Variants in KRT80 observed in about 807,000 individuals in gnomAD.
KRT80 encodes the protein keratin 80.
A neutral mutation model predicts 51.5 loss-of-function variants in KRT80; 36 were observed. That is an observed-to-expected ratio of 0.70 (90% CI 0.54 to 0.92). The LOEUF is 0.92. KRT80 is among the 40% of genes least tolerant of loss of function. The pLI, the probability that KRT80 is intolerant of heterozygous loss-of-function variation, is 0.00. For synonymous variants in KRT80, 235 were observed against 248.3 expected, an observed-to-expected ratio of 0.95 and a Z score of 0.50; for missense variants, 566 against 591.7, an observed-to-expected ratio of 0.96 and a Z score of 0.45.
Position 52,191,895 on chromosome 12 carries a change from C to A in KRT80, c.8G>T (p.Cys3Phe). 6.8e-7 allele frequency: 1 copy of A among 1,478,574 alleles called. No individual in the cohort carries two copies. Among genetic ancestry groups the A allele is most frequent in the Non-Finnish European group, 9.0e-7 (1 of 1,111,386 alleles). The allele number at this position is 1,478,574 out of a possible 1,614,324, so 91.6% of individuals were successfully genotyped here. Residue 3 changes from cysteine (C) to phenylalanine (F), a missense_variant, in exon 1 of 9, where the codon TGC becomes TTC. Physicochemically the swap from Cys to Phe is radical, Grantham distance 205 (BLOSUM62 -2). Transcript: ENST00000394815. Reference protein sequence around the residue: MACRSCVVGFSSL... With the variant: MAFRSCVVGFSSL... ...GCTGAAGCCAACCACGCAGGAGCGG[C>A]AGGCCATGGTGCCCCCGGCCGGAAG... is the stretch of plus-strand genomic sequence containing the variant.
intron 3 of KRT80, 110 bp from the exon 4 acceptor site, chr12:52,180,718 A>T: frequency 6.2e-7 from 1 of 1,603,294 alleles, no homozygotes; most frequent in Non-Finnish European, 8.5e-7. Flanking sequence ...TCCAGAGGAG[A>T]TCTGGCTCAG....
At chr12:52,187,358 G>A (rs1941422231) in intron 1 of KRT80, among the ~76,000 whole-genome samples, 1 of 152,226 alleles carries the variant, frequency 6.6e-6, no homozygotes, top group African/African-American at 2.4e-5. Context: ...AGGAGGCAAT[G>A]GAGGCCAGGG....
At chr12:52,188,572 C>T (rs1378269353) in intron 1 of KRT80, among the ~76,000 whole-genome samples, 2 of 152,236 alleles carry the variant, frequency 1.3e-5, no homozygotes, top group Non-Finnish European at 2.9e-5. Context: ...GCCTCAAAGA[C>T]TCACGAGCAG....
chr12:52,185,712 C>A (rs1192411587), intron 1 of KRT80, 125 bp from the exon 2 acceptor site: 2 of 1,522,856 alleles, frequency 1.3e-6, no homozygotes, highest in Non-Finnish European at 1.8e-6. Context: ...TGCACACCAC[C>A]CAGGGCGCTC....
intron 1 of KRT80, among the ~76,000 whole-genome samples, chr12:52,188,528 C>G (rs937120945): frequency 6.6e-6 from 1 of 152,242 alleles, no homozygotes; most frequent in South Asian, 2.1e-4. Flanking sequence ...GTTGAATCCC[C>G]GGCCTTCAGC....
At chr12:52,174,448 C>T (rs1361389986) in intron 4 of KRT80, among the ~76,000 whole-genome samples, 2 of 152,232 alleles carry the variant, frequency 1.3e-5, no homozygotes, top group African/African-American at 2.4e-5. Flanking sequence ...GGAGACTCAG[C>T]GCCCACTCCC....
intron 1 of KRT80, 35 bp from the exon 2 acceptor site, chr12:52,185,622 G>T: frequency 6.3e-7 from 1 of 1,593,920 alleles, no homozygotes. Flanking sequence ...TGGGTCAGGT[G>T]TGGACCAGTC....
intron 7 of KRT80, 24 bp downstream of exon 7, chr12:52,172,174 T>G (rs1455694793): frequency 6.2e-7 from 1 of 1,611,408 alleles, no homozygotes; most frequent in South Asian, 1.1e-5. Flanking sequence ...CCTGCAGCCC[T>G]TCCTCACCAG....
chr12:52,187,566 A>G (rs1941425118), intron 1 of KRT80, among the ~76,000 whole-genome samples: 1 of 152,104 alleles, frequency 6.6e-6, no homozygotes, highest in South Asian at 2.1e-4. Context: ...TTCGACATTC[A>G]CAGCAGACAA....
intron 1 of KRT80, 82 bp from the exon 2 acceptor site, chr12:52,185,669 C>CG: frequency 6.5e-7 from 1 of 1,548,090 alleles, no homozygotes; most frequent in Non-Finnish European, 8.7e-7. Flanking sequence ...CAAGAGCCCA[C>CG]GGAGGGCTCC....
chr12:52,181,466 G>A (rs182284539), intron 2 of KRT80, among the ~76,000 whole-genome samples: 121 of 152,282 alleles, frequency 7.9e-4, no homozygotes, highest in African/African-American at 2.5e-3. Context: ...TCCCTCCAAA[G>A]GGAGGCTGGA....
In KRT80 at chr12:52,173,734, C is replaced by A; in HGVS notation, c.697G>T (p.Asp233Tyr). 6.2e-7 allele frequency: 1 copy of A among 1,612,058 alleles called. No individual in the cohort carries two copies. The highest frequency in any genetic ancestry group is 2.2e-5 in the East Asian group (1 of 44,886). ...ELKDLAAQVK[D>Y]VSVTVGMDSR... ...TCCATGCCGACGGTCACCGACACAT[C>A]CTTCACCTGTGCTGCCAGGTCCTTC... The change falls in exon 5 of 9, where the codon GAT becomes TAT. Residue 233 changes from aspartate to tyrosine, a missense_variant. Physicochemically the swap from Asp to Tyr is radical, Grantham distance 160. Coordinates refer to ENST00000394815, the MANE Select transcript of KRT80 (RefSeq NM_182507.3).
At chr12:52,189,475 T>C (rs1276380288) in intron 1 of KRT80, among the ~76,000 whole-genome samples, 3 of 152,272 alleles carry the variant, frequency 2.0e-5, no homozygotes, top group East Asian at 1.9e-4. Flanking sequence ...GCTAACCTAA[T>C]GTGTGCTGAG....
chr12:52,172,469 G>A (rs368504665), intron 6 of KRT80, 51 bp from the exon 7 acceptor site: 1 of 1,535,310 alleles, frequency 6.5e-7, no homozygotes, highest in Non-Finnish European at 8.9e-7. Context: ...GGAAGGAGGA[G>A]CGGGCCAGGG....
Position 52,173,674 on chromosome 12 carries a change from C to T in KRT80, c.757G>A (p.Glu253Lys), listed in dbSNP as rs1184358652. The stretch of plus-strand genomic sequence containing the variant: ...GCGTCATACTGGGCCTTCACCTCCT[C>T]CACGATGCCGCTCAGGTCGATGTGG... Reference protein sequence around the residue: ...RCHIDLSGIVEEVKAQYDAVA... With the variant: ...RCHIDLSGIVKEVKAQYDAVA... The change falls in exon 5 of 9, where the codon GAG becomes AAG. Residue 253 changes from glutamate (E) to lysine (K), a missense_variant. Coordinates refer to ENST00000394815, the MANE Select transcript of KRT80 (RefSeq NM_182507.3). 6.2e-7 allele frequency: 1 copy of T among 1,613,186 alleles called. No individual in the cohort carries two copies. The highest frequency in any genetic ancestry group is 1.1e-5 in the South Asian group (1 of 91,090).
chr12:52,191,819 G>A lies in KRT80; in HGVS notation c.84C>T (p.Thr28=), dbSNP rs1941485854. The change falls in exon 1 of 9, where the codon ACC becomes ACT. Residue 28 remains threonine, a synonymous_variant. Transcript: ENST00000394815. The part of the protein sequence containing the change: ...VTPVGSPRPG[T]SGWDSCRAPG... ...GGGCCCTGCAGCTGTCCCATCCTGA[G>A]GTTCCAGGCCGGGGGCTGCCCACCG... 1.3e-6 allele frequency: 2 copies of A among 1,599,438 alleles called. No homozygotes were observed. The highest frequency in any genetic ancestry group is 4.5e-5 in the East Asian group (2 of 44,512).
At chr12:52,189,077 C>A (rs1027078139) in intron 1 of KRT80, among the ~76,000 whole-genome samples, 19 of 152,152 alleles carry the variant, frequency 1.2e-4, no homozygotes, top group African/African-American at 4.3e-4. Flanking sequence ...GGGCCTCTAC[C>A]ACCTCCTGAG....
intron 1 of KRT80, among the ~76,000 whole-genome samples, chr12:52,191,030 C>T (rs1338917998): frequency 6.6e-6 from 1 of 152,174 alleles, no homozygotes; most frequent in Non-Finnish European, 1.5e-5. Flanking sequence ...GAGGCATCGT[C>T]CCCTGCATTC....
At chr12:52,180,858 AG>A in intron 3 of KRT80, 44 bp downstream of exon 3, 1 of 1,610,318 alleles carries the variant, frequency 6.2e-7, no homozygotes, top group Non-Finnish European at 8.5e-7. Flanking sequence ...AAGAGGGCCC[AG>A]GGCCCATGAG....
Sources: gnomAD v4.1 joint callset for allele counts (sites outside exome capture counted in the v4.1 genomes callset) on GRCh38, gnomAD v4.1.1 for gene constraint, MANE v1.5 for transcripts, NCBI Gene and HGNC (gene_info 2026-07-23, HGNC 2026-07-21) for gene names.